SPAG16: variants seen among roughly 807,000 people sequenced by gnomAD.
SPAG16 encodes sperm-associated antigen 16 protein.
A neutral mutation model predicts 80.4 loss-of-function variants in SPAG16; 86 were observed. That is an observed-to-expected ratio of 1.07 (90% CI 0.90 to 1.28). The LOEUF (loss-of-function observed/expected upper bound fraction) is 1.28, where lower values mean the gene tolerates loss of function less well. Among genes scored for constraint, SPAG16 ranks in the 50% most tolerant of loss-of-function variants. The probability of loss-of-function intolerance (pLI) is 0.00; values close to 1 mark genes in which losing one functional copy is unlikely to be tolerated. For missense variants in SPAG16, 870 were observed against 765.3 expected (o/e 1.14, Z -1.61); for synonymous variants, 294 against 265.9 (o/e 1.11, Z -1.03).
chr2:214,267,897 A>G (rs1206623458), intron 15 of SPAG16, among the ~76,000 whole-genome samples: 1 of 151,864 alleles, frequency 6.6e-6, no homozygotes, highest in East Asian at 1.9e-4. Flanking sequence ...CCCATAGATC[A>G]GGAGAAAATG....
chr2:213,573,805 A>G lies in SPAG16; in HGVS notation c.1070+83715A>G, dbSNP rs372282523. ...TTGATAATTTTCTAAGCACTCCCAG[A>G]AGCTTTGAATAAATAATTTTGGTAA... is the stretch of plus-strand genomic sequence containing the variant. On this transcript the variant is annotated intron_variant, in intron 10 of 15. Coordinates refer to ENST00000331683, the MANE Select transcript of SPAG16 (RefSeq NM_024532.5). Among the ~76,000 whole-genome samples the G allele has an allele frequency of 3.3e-5, 5 of 152,214 alleles. No individual in the cohort carries two copies. In the East Asian group the frequency reaches 5.8e-4, roughly 18 times the overall value.
At chr2:213,406,397 A>G (rs556179239) in intron 9 of SPAG16, among the ~76,000 whole-genome samples, 3 of 152,220 alleles carry the variant, frequency 2.0e-5, no homozygotes, top group Non-Finnish European at 4.4e-5. Context: ...ACTTGATTCT[A>G]AATTGCTAAC....
At position 213,911,239 on chromosome 2, in the gene SPAG16, G is replaced by A. The variant is rs562017397; in HGVS notation, c.1215-18721G>A. Among the ~76,000 whole-genome samples, 19 of 152,246 alleles carry A rather than the reference G, an allele frequency of 1.2e-4. No individual in the cohort carries two copies. The East Asian group carries it at 1.3e-3, about 11-fold the overall frequency. ...CAGCTCACTGCAACTTCCACCTCCC[G>A]GGCTCAAGTAATCCTCCCACCTTGG... is the stretch of plus-strand genomic sequence containing the variant. On this transcript the variant is annotated intron_variant, in intron 11 of 15. Transcript: ENST00000331683.
intron 10 of SPAG16, among the ~76,000 whole-genome samples, chr2:213,720,848 C>T (rs1452765995): frequency 6.9e-6 from 1 of 145,182 alleles, no homozygotes; most frequent in African/African-American, 2.6e-5. Context: ...CGGGTTCAAG[C>T]GATTCTCCTG....
intron 15 of SPAG16, among the ~76,000 whole-genome samples, chr2:214,253,974 T>C (rs1233101431): frequency 1.3e-5 from 2 of 152,198 alleles, no homozygotes; most frequent in African/African-American, 4.8e-5. Flanking sequence ...CCTCTTTTAT[T>C]TCTTTGAGCA....
chr2:213,880,254 A>G (rs919767957), intron 11 of SPAG16, among the ~76,000 whole-genome samples: 1 of 151,990 alleles, frequency 6.6e-6, no homozygotes, highest in East Asian at 1.9e-4. Context: ...TTTCATGTGT[A>G]TTGGCTCCTT....
chr2:213,737,493 CTTT>C (rs3076768), intron 10 of SPAG16, among the ~76,000 whole-genome samples: 1 of 142,252 alleles, frequency 7.0e-6, no homozygotes. Flanking sequence ...TTTTTCTTTT[CTTT>C]TTTTTTTTTG....
chr2:213,413,542 T>A (rs1294949616), intron 9 of SPAG16, among the ~76,000 whole-genome samples: 4 of 152,154 alleles, frequency 2.6e-5, no homozygotes, highest in Admixed American at 2.0e-4. Flanking sequence ...AACTTTCTTA[T>A]AACTATTGAG....
chr2:214,106,328 T>C (rs570142554), intron 13 of SPAG16, among the ~76,000 whole-genome samples: 5 of 152,254 alleles, frequency 3.3e-5, no homozygotes, highest in South Asian at 4.1e-4. Flanking sequence ...ATTTTGAGAA[T>C]TGGGATGATT....
rs79805463 is a variant in SPAG16, at chr2:214,006,942, C to T, written c.1401-7009C>T. ...GTAATATATCATTGAAGAATTGCTCCTTCCCCCCCACCACCATAAGTGAAT... is the reference window on the plus strand; with the variant it reads ...GTAATATATCATTGAAGAATTGCTCTTTCCCCCCCACCACCATAAGTGAAT... On this transcript the variant is annotated intron_variant, in intron 12 of 15. Coordinates refer to ENST00000331683, the MANE Select transcript of SPAG16 (RefSeq NM_024532.5). Among the ~76,000 whole-genome samples the T allele has an allele frequency of 6.3e-3, 955 of 152,228 alleles. 7 individuals are homozygous for T. The highest frequency in any genetic ancestry group is 0.022 in the African/African-American group (915 of 41,538).
chr2:214,094,641 C>A (rs1275328328), intron 13 of SPAG16, among the ~76,000 whole-genome samples: 2 of 151,994 alleles, frequency 1.3e-5, no homozygotes, highest in East Asian at 3.9e-4. Flanking sequence ...GGCCTTGAGA[C>A]CTACTCACAG....
intron 15 of SPAG16, among the ~76,000 whole-genome samples, chr2:214,404,134 T>C (rs888037240): frequency 6.6e-6 from 1 of 152,138 alleles, no homozygotes; most frequent in Non-Finnish European, 1.5e-5. Context: ...AGCACAGAGT[T>C]CATGTAAGAG....
intron 10 of SPAG16, among the ~76,000 whole-genome samples, chr2:213,833,816 A>T (rs947859321): frequency 6.6e-6 from 1 of 150,426 alleles, no homozygotes; most frequent in African/African-American, 2.4e-5. Context: ...CTTCATAGTA[A>T]TTCAGACCCA....
intron 9 of SPAG16, among the ~76,000 whole-genome samples, chr2:213,457,602 G>T (rs781549691): frequency 1.3e-4 from 20 of 152,026 alleles, no homozygotes; most frequent in Middle Eastern, 3.4e-3. Context: ...TAAAACCCTT[G>T]TATTAAAATC....
intron 12 of SPAG16, among the ~76,000 whole-genome samples, chr2:213,981,917 G>C (rs2045766649): frequency 6.7e-6 from 1 of 149,290 alleles, no homozygotes; most frequent in Non-Finnish European, 1.5e-5. Context: ...TCTAGTTTCT[G>C]ATTTTTTTAC....
At chr2:213,819,815 G>T (rs1164183853) in intron 10 of SPAG16, among the ~76,000 whole-genome samples, 1 of 151,862 alleles carries the variant, frequency 6.6e-6, no homozygotes, top group Admixed American at 6.6e-5. Context: ...GGAGTGCAAT[G>T]GCACAATCTC....
chr2:214,008,447 A>T (rs1356368745), intron 12 of SPAG16, among the ~76,000 whole-genome samples: 3 of 152,170 alleles, frequency 2.0e-5, no homozygotes, highest in African/African-American at 7.2e-5. Flanking sequence ...ATTTAAAAAA[A>T]AAAATTACAT....
At chr2:214,203,407 A>G (rs1391151539) in intron 15 of SPAG16, among the ~76,000 whole-genome samples, 1 of 152,156 alleles carries the variant, frequency 6.6e-6, no homozygotes, top group African/African-American at 2.4e-5. Flanking sequence ...CTACCACAGG[A>G]ACATACCAGA....
intron 10 of SPAG16, among the ~76,000 whole-genome samples, chr2:213,850,022 A>G (rs570986424): frequency 8.5e-5 from 13 of 152,332 alleles, no homozygotes; most frequent in Admixed American, 2.6e-4. Context: ...TTCAGCTGCT[A>G]AGGTAGCAGG....
Sources: allele counts gnomAD v4.1 joint callset (sites outside exome capture counted in the v4.1 genomes callset), GRCh38; gene constraint gnomAD v4.1.1; transcripts MANE v1.5; gene names NCBI Gene and HGNC (gene_info 2026-07-23, HGNC 2026-07-21).